IFT172: variants seen among roughly 807,000 people sequenced by gnomAD.
The protein encoded by IFT172 is intraflagellar transport protein 172 homolog.
In IFT172, 164 loss-of-function variants were observed where a neutral mutation model predicts 248.9. The ratio of observed to expected loss-of-function variants is 0.66; its 90% confidence interval spans 0.58 to 0.75. IFT172 has a LOEUF of 0.75. IFT172 is among the 30% of genes least tolerant of loss of function. The pLI, the probability that IFT172 is intolerant of heterozygous loss-of-function variation, is 0.00. For synonymous variants in IFT172, 729 were observed against 791.6 expected, an observed-to-expected ratio of 0.92 and a Z score of 1.33; for missense variants, 1,950 against 2,192.4, an observed-to-expected ratio of 0.89 and a Z score of 2.21.
At chr2:27,459,686 T>C in intron 24 of IFT172, 23 bp downstream of exon 24, 1 of 1,611,134 alleles carries the variant, frequency 6.2e-7, no homozygotes, top group Non-Finnish European at 8.5e-7. Flanking sequence ...CTAAATCTCC[T>C]TTACATTCCC....
intron 14 of IFT172, among the ~76,000 whole-genome samples, chr2:27,476,051 T>C (rs1667935621): frequency 6.6e-6 from 1 of 152,176 alleles, no homozygotes; most frequent in African/African-American, 2.4e-5. Context: ...TCTTATATGT[T>C]AATATTTGTG....
Position 27,445,606 on chromosome 2 carries a change from C to G in IFT172, c.4914+139G>C. ...TTGGGGGATGCAGTCACAGCCTTTT[C>G]TTTCTATTTTGCTTCTACTTTCACT... On this transcript the variant is annotated intron_variant, in intron 45 of 47. Transcript: ENST00000260570. This position sits in a 1 kb window ranked among gnomAD's most constrained non-coding sequence, Gnocchi z 4.4. 7.6e-7 allele frequency: 1 copy of G among 1,308,524 alleles called. No homozygotes were observed. The highest frequency in any genetic ancestry group is 1.1e-6 in the Non-Finnish European group (1 of 948,714). 81.1% of individuals were successfully genotyped at this position (1,308,524 alleles called of 1,614,324 possible).
At chr2:27,457,533 C>A (rs1014643152) in intron 29 of IFT172, 106 bp downstream of exon 29, 11 of 953,956 alleles carry the variant, frequency 1.2e-5, no homozygotes, top group Middle Eastern at 3.3e-4. Flanking sequence ...CATAATTGCA[C>A]CACTGCACTC....
rs757988462 is a variant in IFT172 at position 27,483,920 on chromosome 2, C to T, written c.354G>A (p.Leu118=). 16 of 1,613,806 alleles carry T rather than the reference C, an allele frequency of 9.9e-6. No individual in the cohort carries two copies. The highest frequency in any genetic ancestry group is 1.3e-5 in the African/African-American group (1 of 74,886). ...KFIQTSAVTC[L]QWPAEYIIVF... Reference sequence around the variant, plus strand: ...CAATGATGTATTCTGCCGGCCATTGCAGACAAGTGACAGCACTCTGCGTGG... The same window carrying T: ...CAATGATGTATTCTGCCGGCCATTGTAGACAAGTGACAGCACTCTGCGTGG... Residue 118 remains leucine (L), a synonymous_variant, in exon 5 of 48, where the codon CTG becomes CTA. Coordinates refer to ENST00000260570, the MANE Select transcript of IFT172 (RefSeq NM_015662.3).
At position 27,444,471 on chromosome 2, in the gene IFT172, C is replaced by G. The variant is rs1471965612; in HGVS notation, c.5211G>C (p.Trp1737Cys). 3.1e-6 allele frequency: 5 copies of G among 1,613,556 alleles called. No homozygotes were observed. Among genetic ancestry groups the G allele is most frequent in the Non-Finnish European group, 4.2e-6 (5 of 1,179,806 alleles). ...CQDVLKFISQWCGGLPSTSFS... is the reference protein window; with the variant it reads ...CQDVLKFISQCCGGLPSTSFS... ...AGCTGGTGCTGGGGAGCCCTCCACA[C>G]CACTGACTGATGAATTTCAGCACGT... The change falls in exon 48 of 48, where the codon TGG becomes TGC. Residue 1737 changes from tryptophan (W) to cysteine (C), a missense_variant. Physicochemically the swap from Trp to Cys is radical, Grantham distance 215. This residue lies in a region of IFT172 where 620 missense variants were observed against 699.0 expected (regional missense o/e 0.89). Transcript: ENST00000260570.
At position 27,485,390 on chromosome 2, in the gene IFT172, A is replaced by C. The variant is rs537341371; in HGVS notation, c.153T>G (p.Asp51Glu). The change falls in exon 2 of 48, where the codon GAT (aspartate) becomes GAG (glutamate). Residue 51 changes from aspartate to glutamate, a missense_variant. Coordinates refer to ENST00000260570, the MANE Select transcript of IFT172 (RefSeq NM_015662.3). ...TGTCAGCTGGTTTGGTGGAGAATTTATCTCTCCGTTCTCCATGTTCATCAT... is the reference window on the plus strand; with the variant it reads ...TGTCAGCTGGTTTGGTGGAGAATTTCTCTCTCCGTTCTCCATGTTCATCAT... ...LLYDEHGERR[D>E]KFSTKPADMK... 6 of 1,614,114 alleles carry C rather than the reference A, an allele frequency of 3.7e-6. No homozygotes were observed. The East Asian group carries it at 6.7e-5, about 18-fold the overall frequency.
intron 1 of IFT172, among the ~76,000 whole-genome samples, chr2:27,486,876 G>C (rs1366861902): frequency 1.3e-5 from 2 of 152,118 alleles, no homozygotes; most frequent in Non-Finnish European, 1.5e-5. Context: ...TGAGCAATGA[G>C]CACAAATCTC....
Position 27,481,073 on chromosome 2 carries a change from TG to T in IFT172, c.757del (p.Gln253SerfsTer5). On this transcript the variant is annotated frameshift_variant, in exon 8 of 48. Transcript: ENST00000260570. LOFTEE classifies it high-confidence loss of function. Reference sequence around the variant, plus strand: ...GTCATAACTTCCTAGCACAACAGACTGGCCCCCAGGACTTGATACAGCTGTG... The same window carrying T: ...GTCATAACTTCCTAGCACAACAGACTGCCCCCAGGACTTGATACAGCTGTG... The part of the protein sequence containing the change: ...FTTAVSSPGG[Q>X]SVVLGSYDRL... 6.2e-7 allele frequency: 1 copy of T among 1,614,058 alleles called. No individual in the cohort carries two copies. Among genetic ancestry groups the T allele is most frequent in the Non-Finnish European group, 8.5e-7 (1 of 1,179,968 alleles).
chr2:27,454,862 TG>T lies in IFT172; in HGVS notation c.3372-203del, dbSNP rs571702814. ...TGTGAAGACCATGTCACTGTCAGCG[TG>T]GATCAAGAGACGTCTGGAAAAGCCT... On this transcript the variant is annotated intron_variant, in intron 30 of 47. Coordinates refer to ENST00000260570, the MANE Select transcript of IFT172 (RefSeq NM_015662.3). The surrounding 1 kb of genome is among the most constrained non-coding windows in gnomAD (Gnocchi z 4.2). 2.4e-3 allele frequency among the ~76,000 whole-genome samples: 364 copies of T among 152,218 alleles called. 2 individuals carry two copies. The highest frequency in any genetic ancestry group is 8.5e-3 in the African/African-American group (353 of 41,524).
chr2:27,479,542 G>A lies in IFT172; in HGVS notation c.972C>T (p.Asn324=). 1 of 1,613,058 alleles carries A rather than the reference G, an allele frequency of 6.2e-7. No individual in the cohort carries two copies. The highest frequency in any genetic ancestry group is 1.1e-5 in the South Asian group (1 of 91,058). ...GTCCCACATACGTCAACTCAAACTT[G>A]TTCTTGTAAATACTCCTTCGGAGGC... ...DCCLRRSIYK[N]KFELTYVGPS... Residue 324 remains asparagine, a synonymous_variant, in exon 10 of 48, where the codon AAC becomes AAT. Coordinates refer to ENST00000260570, the MANE Select transcript of IFT172 (RefSeq NM_015662.3).
At chr2:27,473,167 G>A (rs1667699323) in intron 14 of IFT172, among the ~76,000 whole-genome samples, 2 of 151,696 alleles carry the variant, frequency 1.3e-5, no homozygotes, top group African/African-American at 4.8e-5. Context: ...AGGAGTTGGA[G>A]ACCAGCCTGG....
chr2:27,488,471 G>T (rs1482500088), intron 1 of IFT172, among the ~76,000 whole-genome samples: 1 of 152,004 alleles, frequency 6.6e-6, no homozygotes. Context: ...TTTTGTAGAG[G>T]TCTTGGAATC....
intron 35 of IFT172, chr2:27,453,012 C>T (rs1485711623): frequency 2.9e-6 from 1 of 347,414 alleles, no homozygotes; most frequent in African/African-American, 2.1e-5. Context: ...TGGAGTTGCC[C>T]TTCCAGCTCC....
chr2:27,461,532 A>G lies in IFT172; in HGVS notation c.2194-15T>C. The G allele has an allele frequency of 6.2e-7, 1 of 1,612,004 alleles. No individual in the cohort carries two copies. Among genetic ancestry groups the G allele is most frequent in the Non-Finnish European group, 8.5e-7 (1 of 1,178,292 alleles). On this transcript the variant is annotated splice_polypyrimidine_tract_variant and intron_variant, in intron 21 of 47. Coordinates refer to ENST00000260570, the MANE Select transcript of IFT172 (RefSeq NM_015662.3). Reference sequence around the variant, plus strand: ...GCTGGGTGCCCCTGGACATGCACAGAGGACAACTAGGAGTCACATCCCCCT... The same window carrying G: ...GCTGGGTGCCCCTGGACATGCACAGGGGACAACTAGGAGTCACATCCCCCT...
intron 30 of IFT172, among the ~76,000 whole-genome samples, chr2:27,456,165 C>T (rs535741669): frequency 5.9e-5 from 9 of 151,878 alleles, no homozygotes; most frequent in East Asian, 1.9e-4. Context: ...GAGCTGATAT[C>T]GTGCCACTGC....
chr2:27,479,376 G>T, intron 10 of IFT172, 133 bp downstream of exon 10: 1 of 651,396 alleles, frequency 1.5e-6, no homozygotes, highest in East Asian at 2.8e-5. Flanking sequence ...GACATATTCT[G>T]TTGCCCAGAA....
Position 27,470,169 on chromosome 2 carries a change from C to T in IFT172, c.1692+759G>A, listed in dbSNP as rs111702217. 1.3e-3 allele frequency among the ~76,000 whole-genome samples: 201 copies of T among 151,020 alleles called. 1 individual carries two copies. The highest frequency in any genetic ancestry group is 3.9e-3 in the Admixed American group (59 of 15,158). ...CTGAGGCAGGAGGATTGGCTGAGCCCAGGAGGCTGAGCTGCAATGAGCTAT... is the reference window on the plus strand; with the variant it reads ...CTGAGGCAGGAGGATTGGCTGAGCCTAGGAGGCTGAGCTGCAATGAGCTAT... On this transcript the variant is annotated intron_variant, in intron 16 of 47. Coordinates refer to ENST00000260570, the MANE Select transcript of IFT172 (RefSeq NM_015662.3).
In IFT172 at chr2:27,483,311, T is replaced by C; in HGVS notation, c.548A>G (p.Asp183Gly). The part of the protein sequence containing the change: ...DGTIVRYFFD[D>G]EGSGESQGKL... ...TACCTGTGACTCTCCAGAGCCTTCATCATCAAAGAAATACCTAACGATGGT... is the reference window on the plus strand; with the variant it reads ...TACCTGTGACTCTCCAGAGCCTTCACCATCAAAGAAATACCTAACGATGGT... Residue 183 changes from aspartate (D) to glycine (G), a missense_variant, in exon 7 of 48, where the codon GAT (aspartate) becomes GGT (glycine). This residue lies in a region of IFT172 where 1,166 missense variants were observed against 1,254.1 expected (regional missense o/e 0.93). Transcript: ENST00000260570. 6.2e-7 allele frequency: 1 copy of C among 1,600,422 alleles called. No individual in the cohort carries two copies. The highest frequency in any genetic ancestry group is 8.6e-7 in the Non-Finnish European group (1 of 1,167,502).
chr2:27,479,937 T>G, intron 9 of IFT172, 89 bp downstream of exon 9: 1 of 1,469,978 alleles, frequency 6.8e-7, no homozygotes, highest in Non-Finnish European at 9.1e-7. Context: ...GATTCTATAG[T>G]GTCAGGGAAC....
Sources: allele counts gnomAD v4.1 joint callset (sites outside exome capture counted in the v4.1 genomes callset), GRCh38; gene constraint gnomAD v4.1.1; regional missense constraint gnomAD v4.1.1; non-coding constraint Gnocchi (gnomAD v3.1); transcripts MANE v1.5; gene names NCBI Gene and HGNC (gene_info 2026-07-23, HGNC 2026-07-21).